Variants in AP3D1 observed in about 807,000 individuals in gnomAD.
The protein encoded by AP3D1 is AP-3 complex subunit delta-1.
In AP3D1, 51 loss-of-function variants were observed where a neutral mutation model predicts 147.6. That is an observed-to-expected ratio of 0.35 (90% CI 0.28 to 0.44). The LOEUF (loss-of-function observed/expected upper bound fraction) is 0.44, where lower values mean the gene tolerates loss of function less well. Ranked by LOEUF, AP3D1 falls within the 20% of genes least tolerant of loss-of-function variation. The pLI, the probability that AP3D1 is intolerant of heterozygous loss-of-function variation, is 1.00. For missense variants in AP3D1, 1,421 were observed against 1,624.2 expected, an observed-to-expected ratio of 0.87 and a Z score of 2.15; for synonymous variants, 760 against 663.0, an observed-to-expected ratio of 1.15 and a Z score of -2.25.
intron 17 of AP3D1, 106 bp downstream of exon 17, chr19:2,116,499 T>G (rs546793649): frequency 7.1e-7 from 1 of 1,413,958 alleles, no homozygotes; most frequent in African/African-American, 1.4e-5. Context: ...ATGCCTCCAC[T>G]GCCAGGGTCA....
At chr19:2,131,558 C>T (rs78647321) in intron 5 of AP3D1, among the ~76,000 whole-genome samples, 3 of 102,294 alleles carry the variant, frequency 2.9e-5, no homozygotes, top group African/African-American at 4.3e-5. Flanking sequence ...GGCAGCCACG[C>T]GGGGACAGCG....
intron 1 of AP3D1, among the ~76,000 whole-genome samples, chr19:2,142,201 G>A (rs952030242): frequency 2.6e-5 from 4 of 151,856 alleles, no homozygotes; most frequent in Non-Finnish European, 4.4e-5. Context: ...TATTTTTAGA[G>A]GGGGTTTAGC....
At chr19:2,121,973 G>T in intron 11 of AP3D1, 94 bp from the exon 12 acceptor site, 2 of 1,434,466 alleles carry the variant, frequency 1.4e-6, no homozygotes, top group South Asian at 1.5e-5. Context: ...TCTCCACCTC[G>T]GGAGGCTGCC....
intron 14 of AP3D1, among the ~76,000 whole-genome samples, chr19:2,119,267 T>C (rs1204346954): frequency 2.6e-5 from 4 of 151,978 alleles, no homozygotes; most frequent in African/African-American, 9.7e-5. Context: ...AATAAGAAAA[T>C]GATAGAAGTG....
intron 9 of AP3D1, among the ~76,000 whole-genome samples, chr19:2,124,998 G>A (rs1314004262): frequency 6.6e-6 from 1 of 152,168 alleles, no homozygotes; most frequent in Admixed American, 6.5e-5. Flanking sequence ...GTGGGAGGTG[G>A]GGGGTGAGGG....
chr19:2,111,657 G>A (rs904410548), intron 25 of AP3D1, 22 bp downstream of exon 25: 13 of 1,567,938 alleles, frequency 8.3e-6, no homozygotes, highest in East Asian at 2.3e-5. Flanking sequence ...GCGTGGGGCG[G>A]GGGCGCTGAA....
intron 1 of AP3D1, among the ~76,000 whole-genome samples, chr19:2,140,623 C>T (rs375851411): frequency 2.0e-4 from 30 of 152,026 alleles, no homozygotes; most frequent in East Asian, 9.7e-4. Flanking sequence ...CACAGGTGTG[C>T]GCCACCACGC....
intron 1 of AP3D1, among the ~76,000 whole-genome samples, chr19:2,150,908 G>A (rs539245265): frequency 4.4e-4 from 67 of 152,354 alleles, no homozygotes; most frequent in African/African-American, 1.6e-3. Context: ...CCCTCTGAGA[G>A]AGTAAACTGA....
At chr19:2,134,104 TAAATA>T (rs1193949958) in intron 4 of AP3D1, among the ~76,000 whole-genome samples, 1 of 151,430 alleles carries the variant, frequency 6.6e-6, no homozygotes, top group African/African-American at 2.4e-5. Flanking sequence ...TCTCAAAAAA[TAAATA>T]AAATAAAATA....
intron 1 of AP3D1, chr19:2,164,309 C>T: frequency 1.6e-6 from 2 of 1,221,614 alleles, no homozygotes; most frequent in Non-Finnish European, 2.1e-6. Flanking sequence ...GCCTCCCCTC[C>T]TCCGCCGCCC....
chr19:2,158,694 C>T (rs1471655247), intron 1 of AP3D1, among the ~76,000 whole-genome samples: 1 of 151,882 alleles, frequency 6.6e-6, no homozygotes, highest in African/African-American at 2.4e-5. Flanking sequence ...ACCTCCGCCT[C>T]CCAGGTTCAA....
rs371557692 is a variant in AP3D1, at chr19:2,115,822, C to T, written c.2074-209G>A. 6.6e-5 allele frequency among the ~76,000 whole-genome samples: 10 copies of T among 152,366 alleles called. No homozygotes were observed. The East Asian group carries it at 1.3e-3, about 21-fold the overall frequency. ...AGTGAGGACTGGAAAGCTTGTCACA[C>T]GAGTGACCCCACAGGCCTATGAGCA... On this transcript the variant is annotated intron_variant, in intron 18 of 31. Transcript: ENST00000643116.
chr19:2,139,619 G>A (rs910199007), intron 1 of AP3D1, among the ~76,000 whole-genome samples: 3 of 152,354 alleles, frequency 2.0e-5, no homozygotes, highest in East Asian at 3.9e-4. Flanking sequence ...TGGAAGGAGA[G>A]GAGGGAGCAG....
intron 9 of AP3D1, among the ~76,000 whole-genome samples, chr19:2,126,572 T>G (rs1480324712): frequency 6.9e-6 from 1 of 143,970 alleles, no homozygotes; most frequent in Non-Finnish European, 1.5e-5. Flanking sequence ...GAGAATGGCG[T>G]GAACCTGGGA....
chr19:2,134,414 C>T (rs1599480684), intron 4 of AP3D1, among the ~76,000 whole-genome samples: 1 of 147,836 alleles, frequency 6.8e-6, no homozygotes, highest in East Asian at 2.1e-4. Context: ...GAGCAAAACC[C>T]TGTCTCAAAA....
intron 27 of AP3D1, 24 bp downstream of exon 27, chr19:2,110,683 G>A: frequency 6.4e-7 from 1 of 1,561,576 alleles, no homozygotes; most frequent in Non-Finnish European, 8.7e-7. Flanking sequence ...CCCCAGGAGA[G>A]GCCGTGAGTG....
chr19:2,116,848 C>G, intron 16 of AP3D1, 102 bp from the exon 17 acceptor site: 1 of 1,407,854 alleles, frequency 7.1e-7, no homozygotes, highest in Non-Finnish European at 9.4e-7. Context: ...CATGTGATAT[C>G]CCAAACAGTG....
At chr19:2,141,309 G>C (rs1165159600) in intron 1 of AP3D1, among the ~76,000 whole-genome samples, 1 of 151,940 alleles carries the variant, frequency 6.6e-6, no homozygotes, top group Non-Finnish European at 1.5e-5. Context: ...GCTGGTCTCA[G>C]CATCTATTTA....
At chr19:2,116,083 C>A in intron 18 of AP3D1, 124 bp downstream of exon 18, 1 of 933,692 alleles carries the variant, frequency 1.1e-6, no homozygotes, top group Admixed American at 2.3e-5. Context: ...GCACAGTCAC[C>A]GTGTGGCCCC....
Sources: allele counts gnomAD v4.1 joint callset (sites outside exome capture counted in the v4.1 genomes callset), GRCh38; gene constraint gnomAD v4.1.1; transcripts MANE v1.5; gene names NCBI Gene and HGNC (gene_info 2026-07-23, HGNC 2026-07-21).